The following ASPH variants were observed in gnomAD, a reference collection of about 807,000 sequenced individuals.
The protein encoded by ASPH is aspartyl/asparaginyl beta-hydroxylase.
In ASPH, 100 loss-of-function variants were observed where a neutral mutation model predicts 118.4. The observed-to-expected ratio is 0.84, with a 90% confidence interval of 0.72 to 1.00. ASPH has a LOEUF of 1.00. Ranked by LOEUF, ASPH falls within the 50% of genes least tolerant of loss-of-function variation. The probability of loss-of-function intolerance (pLI) is 0.00; values close to 1 mark genes in which losing one functional copy is unlikely to be tolerated. For missense variants in ASPH, 920 were observed against 919.5 expected, an observed-to-expected ratio of 1.00 and a Z score of -0.01; for synonymous variants, 315 against 325.6, an observed-to-expected ratio of 0.97 and a Z score of 0.35.
chr8:61,665,504 A>G, intron 3 of ASPH: 1 of 1,565,488 alleles, frequency 6.4e-7, no homozygotes, highest in African/African-American at 1.4e-5. Context: ...ATCCTTTCGG[A>G]CATCCTCTTT....
intron 3 of ASPH, chr8:61,675,162 C>G (rs1350191520): frequency 5.1e-6 from 2 of 389,410 alleles, no homozygotes; most frequent in Non-Finnish European, 7.0e-6. Context: ...GGAATTACCA[C>G]TTCAATAAGT....
intron 14 of ASPH, among the ~76,000 whole-genome samples, chr8:61,618,620 G>A (rs747290204): frequency 7.2e-5 from 11 of 152,034 alleles, no homozygotes; most frequent in South Asian, 4.1e-4. Flanking sequence ...AGCACTTTAC[G>A]TATATTTTCA....
intron 1 of ASPH, among the ~76,000 whole-genome samples, chr8:61,696,201 G>C (rs1833888869): frequency 6.6e-6 from 1 of 152,128 alleles, no homozygotes. Flanking sequence ...CTGCTCTCTT[G>C]ACTGTCCCTG....
chr8:61,689,832 G>A, intron 1 of ASPH: 1 of 1,412,864 alleles, frequency 7.1e-7, no homozygotes, highest in Non-Finnish European at 9.3e-7. Flanking sequence ...TGCACTGTAA[G>A]GGCCTCTAGA....
chr8:61,590,405 TG>T (rs1271807817), intron 14 of ASPH, among the ~76,000 whole-genome samples: 5 of 152,170 alleles, frequency 3.3e-5, no homozygotes, highest in African/African-American at 1.2e-4. Context: ...AGTGGAAAAC[TG>T]TGGCTCCCAT....
intron 13 of ASPH, among the ~76,000 whole-genome samples, chr8:61,623,104 G>A (rs1418310698): frequency 1.3e-5 from 2 of 152,116 alleles, no homozygotes; most frequent in Non-Finnish European, 2.9e-5. Context: ...TATATAAGGT[G>A]GGGCAGTAGT....
chr8:61,668,137 T>A (rs576611272), intron 3 of ASPH: 3 of 1,232,776 alleles, frequency 2.4e-6, no homozygotes, highest in Non-Finnish European at 3.5e-6. Flanking sequence ...CAATAGTGTT[T>A]AGCATTAGTA....
chr8:61,676,362 A>G, intron 3 of ASPH: 1 of 1,514,058 alleles, frequency 6.6e-7, no homozygotes, highest in Non-Finnish European at 8.8e-7. Context: ...TAAGGAGAGC[A>G]GTTAGGTGGA....
intron 24 of ASPH, among the ~76,000 whole-genome samples, chr8:61,506,537 G>T (rs1330694539): frequency 6.6e-6 from 1 of 152,154 alleles, no homozygotes; most frequent in Non-Finnish European, 1.5e-5. Flanking sequence ...GAGAGCATGT[G>T]GTAGAGGAGA....
At chr8:61,509,450 G>A (rs1364114484) in intron 24 of ASPH, among the ~76,000 whole-genome samples, 1 of 152,190 alleles carries the variant, frequency 6.6e-6, no homozygotes, top group Non-Finnish European at 1.5e-5. Flanking sequence ...CTGTCAAGGC[G>A]CTGGTGGGAG....
At chr8:61,675,053 C>T (rs1824596277) in intron 3 of ASPH, among the ~76,000 whole-genome samples, 1 of 152,132 alleles carries the variant, frequency 6.6e-6, no homozygotes, top group Non-Finnish European at 1.5e-5. Context: ...ATAGCTGCTA[C>T]ACCTGTTTTG....
chr8:61,513,813 C>T (rs1809797140), intron 24 of ASPH, among the ~76,000 whole-genome samples: 1 of 152,014 alleles, frequency 6.6e-6, no homozygotes. Context: ...TCCTTCTAAC[C>T]CTCCTCTGCC....
chr8:61,689,011 ATTCTT>A (rs1239846083), intron 1 of ASPH, among the ~76,000 whole-genome samples: 1 of 152,190 alleles, frequency 6.6e-6, no homozygotes, highest in Non-Finnish European at 1.5e-5. Flanking sequence ...TCATACATCT[ATTCTT>A]TTCTTTTATA....
chr8:61,633,385 C>A (rs1856438456), intron 13 of ASPH: 1 of 218,418 alleles, frequency 4.6e-6, no homozygotes, highest in African/African-American at 2.3e-5. Flanking sequence ...GCCTGTCAAT[C>A]AAAGAGGAAA....
chr8:61,701,206 G>A (rs540522502), intron 1 of ASPH, among the ~76,000 whole-genome samples: 55 of 152,322 alleles, frequency 3.6e-4, no homozygotes, highest in African/African-American at 1.3e-3. Flanking sequence ...AGCTGGCATT[G>A]AAAATACGAA....
intron 1 of ASPH, among the ~76,000 whole-genome samples, chr8:61,698,915 A>G (rs1199697107): frequency 2.0e-5 from 3 of 152,260 alleles, no homozygotes. Context: ...TAAAAATTGC[A>G]TAAACAATTA....
At chr8:61,617,668 T>C (rs1436030264) in intron 14 of ASPH, among the ~76,000 whole-genome samples, 1 of 152,016 alleles carries the variant, frequency 6.6e-6, no homozygotes, top group Non-Finnish European at 1.5e-5. Flanking sequence ...CGGTGGTTCA[T>C]GCCTGTAACC....
chr8:61,520,264 T>C (rs2129620086), intron 22 of ASPH, among the ~76,000 whole-genome samples: 1 of 152,354 alleles, frequency 6.6e-6, no homozygotes, highest in Non-Finnish European at 1.5e-5. Context: ...GTGCTCAGAA[T>C]GTACACAATG....
chr8:61,714,448 G>A lies in ASPH; in HGVS notation c.-77C>T, dbSNP rs1838898478. ...GGGGTACACACGCGACGCGGGAACC[G>A]CTGGCGGCGGCGGGCCGCTGGAGCG... On this transcript the variant is annotated 5_prime_UTR_variant, in exon 1 of 25. Transcript: ENST00000379454. 2.2e-6 allele frequency: 3 copies of A among 1,358,712 alleles called. No homozygotes were observed. The highest frequency in any genetic ancestry group is 2.8e-6 in the Non-Finnish European group (3 of 1,056,194). The allele number at this position is 1,358,712 out of a possible 1,614,324, so 84.2% of individuals were successfully genotyped here. A position where few individuals can be genotyped will look rare whatever the true frequency, so the allele number is the denominator to read the frequency against.
Sources: allele counts gnomAD v4.1 joint callset (sites outside exome capture counted in the v4.1 genomes callset), GRCh38; gene constraint gnomAD v4.1.1; transcripts MANE v1.5; gene names NCBI Gene and HGNC (gene_info 2026-07-23, HGNC 2026-07-21).